ARHGEF15: variants seen among roughly 807,000 people sequenced by gnomAD.
The protein encoded by ARHGEF15 is Rho guanine nucleotide exchange factor 15, also known as Rho guanine nucleotide exchange factor (GEF) 15.
A neutral mutation model predicts 79.7 loss-of-function variants in ARHGEF15; 58 were observed. That is an observed-to-expected ratio of 0.73 (90% CI 0.59 to 0.91). The LOEUF is 0.91. Among genes scored for constraint, ARHGEF15 ranks in the 40% least tolerant of loss-of-function variants. The pLI, the probability that ARHGEF15 is intolerant of heterozygous loss-of-function variation, is 0.00. For synonymous variants in ARHGEF15, 442 were observed against 456.0 expected (o/e 0.97, Z 0.39); for missense variants, 1,012 against 1,108.1 (o/e 0.91, Z 1.23).
rs563543358 is a variant in ARHGEF15, at chr17:8,313,482, C to A, written c.935-19C>A. Reference sequence around the variant, plus strand: ...ATCCTGGAGTTTTTTTTTCTCTTCACTCTGGCTTCTCTCTCCAGGGGACAG... The same window carrying A: ...ATCCTGGAGTTTTTTTTTCTCTTCAATCTGGCTTCTCTCTCCAGGGGACAG... On this transcript the variant is annotated intron_variant, in intron 3 of 15. Coordinates refer to ENST00000361926, the MANE Select transcript of ARHGEF15 (RefSeq NM_173728.4). 6.2e-7 allele frequency: 1 copy of A among 1,607,684 alleles called. No homozygotes were observed. Among genetic ancestry groups the A allele is most frequent in the Non-Finnish European group, 8.5e-7 (1 of 1,178,262 alleles).
At chr17:8,320,096 T>G (rs531276691) in intron 15 of ARHGEF15, among the ~76,000 whole-genome samples, 39 of 152,236 alleles carry the variant, frequency 2.6e-4, no homozygotes, top group African/African-American at 8.7e-4. Context: ...CATTTATTCA[T>G]TCAATAAATA....
chr17:8,312,886 C>G (rs2151636040), intron 2 of ARHGEF15, 36 bp from the exon 3 acceptor site: 1 of 1,564,722 alleles, frequency 6.4e-7, no homozygotes, highest in East Asian at 2.2e-5. Flanking sequence ...AGCTGGGCCC[C>G]AAGGGCTTTC....
chr17:8,313,356 C>T, intron 3 of ARHGEF15, 102 bp downstream of exon 3: 1 of 1,496,932 alleles, frequency 6.7e-7, no homozygotes, highest in East Asian at 2.3e-5. Flanking sequence ...AGGCACTGGG[C>T]TCTTTGCTTC....
rs145328839 is a variant in ARHGEF15, at chr17:8,320,956, G to T, written c.2489G>T (p.Gly830Val). The change falls in exon 16 of 16, where the codon GGA becomes GTA. Residue 830 changes from glycine to valine, a missense_variant. By Grantham distance (109) the Gly-to-Val change is moderately radical (BLOSUM62 -3). This residue lies in a region of ARHGEF15 where 132 missense variants were observed against 124.2 expected (regional missense o/e 1.06). Transcript: ENST00000361926. ...RQNQRLLEAVGSSSGTPNAPP... is the reference protein window; with the variant it reads ...RQNQRLLEAVVSSSGTPNAPP... Reference sequence around the variant, plus strand: ...AACCAGAGGCTTCTCGAGGCTGTTGGATCTTCTTCAGGCACCCCCAATGCC... The same window carrying T: ...AACCAGAGGCTTCTCGAGGCTGTTGTATCTTCTTCAGGCACCCCCAATGCC... 1.9e-6 allele frequency: 3 copies of T among 1,613,902 alleles called. No homozygotes were observed. The African/African-American group carries it at 4.0e-5, about 22-fold the overall frequency.
At position 8,319,167 on chromosome 17, in the gene ARHGEF15, G is replaced by T. The variant is rs1243324901; in HGVS notation, c.2186+8G>T. ...ACTCCAAGCTTCTTCCCTGTGAGTT[G>T]TGTTTCCCTCAGAAAACAACCTTGG... is the stretch of plus-strand genomic sequence containing the variant. On this transcript the variant is annotated splice_region_variant and intron_variant, in intron 13 of 15. Coordinates refer to ENST00000361926, the MANE Select transcript of ARHGEF15 (RefSeq NM_173728.4). 1.1e-5 allele frequency: 17 copies of T among 1,613,076 alleles called. No individual in the cohort carries two copies. The highest frequency in any genetic ancestry group is 1.4e-5 in the Non-Finnish European group (16 of 1,179,552).
chr17:8,314,762 A>T (rs1904895632), intron 4 of ARHGEF15, 144 bp from the exon 5 acceptor site: 2 of 764,956 alleles, frequency 2.6e-6, no homozygotes, highest in Admixed American at 3.4e-5. Context: ...AAAAAAAAAA[A>T]AGCCTGAGGT....
intron 1 of ARHGEF15, chr17:8,310,774 G>T (rs1198361219): frequency 6.6e-6 from 1 of 152,636 alleles, no homozygotes; most frequent in Non-Finnish European, 1.5e-5. Flanking sequence ...GTGAGGGGGG[G>T]GTGTCCGGTT....
Position 8,313,054 on chromosome 17 carries a change from G to A in ARHGEF15, c.734G>A (p.Arg245Gln), listed in dbSNP as rs766415435. The A allele has an allele frequency of 2.1e-5, 34 of 1,613,438 alleles. No individual in the cohort carries two copies. Among genetic ancestry groups the A allele is most frequent in the Admixed American group, 6.7e-5 (4 of 60,004 alleles). ...PRVPRRASPLRTSRSRPHPPS... is the reference protein window; with the variant it reads ...PRVPRRASPLQTSRSRPHPPS... ...GTCCCCCGTCGGGCCTCCCCGCTGC[G>A]GACCTCTCGCTCCCGCCCCCACCCT... Residue 245 changes from arginine to glutamine, a missense_variant, in exon 3 of 16, where the codon CGG becomes CAG. Transcript: ENST00000361926.
In ARHGEF15 at chr17:8,319,291, ACTTC is replaced by A; in HGVS notation, c.2187-19_2187-16del. On this transcript the variant is annotated splice_polypyrimidine_tract_variant and intron_variant, in intron 13 of 15. Coordinates refer to ENST00000361926, the MANE Select transcript of ARHGEF15 (RefSeq NM_173728.4). The stretch of plus-strand genomic sequence containing the variant: ...GAGGATCTTTTGGGCCAACTGTGAC[ACTTC>A]CCAATATCCCCACCAGATCAGACAT... 6.2e-7 allele frequency: 1 copy of A among 1,612,272 alleles called. No individual in the cohort carries two copies. The highest frequency in any genetic ancestry group is 1.1e-5 in the South Asian group (1 of 90,762).
chr17:8,320,473 G>T (rs1360192098), intron 15 of ARHGEF15, among the ~76,000 whole-genome samples: 2 of 152,116 alleles, frequency 1.3e-5, no homozygotes, highest in African/African-American at 2.4e-5. Context: ...CCTGCGGCTG[G>T]TGTGTGACTG....
At chr17:8,317,648 G>A (rs1355624039) in intron 9 of ARHGEF15, among the ~76,000 whole-genome samples, 1 of 152,180 alleles carries the variant, frequency 6.6e-6, no homozygotes, top group Non-Finnish European at 1.5e-5. Flanking sequence ...CTAAGGCACA[G>A]GTCACATAAC....
In ARHGEF15 at chr17:8,318,638, A is replaced by C; in HGVS notation, c.1848A>C (p.Gln616His). Residue 616 changes from glutamine to histidine, a missense_variant, in exon 11 of 16, where the codon CAA (glutamine) becomes CAC (histidine). By Grantham distance (24) the Gln-to-His change is conservative. This residue lies in a region of ARHGEF15 where 818 missense variants were observed against 882.5 expected (regional missense o/e 0.93). Coordinates refer to ENST00000361926, the MANE Select transcript of ARHGEF15 (RefSeq NM_173728.4). This position sits in a 1 kb window ranked among gnomAD's most constrained non-coding sequence, Gnocchi z 5.0. ...KQTEELIRLT[Q>H]RLRFHKVKAL... ...CTGAAGAGCTGATCCGGCTCACCCAAAGGCTGCGCTTCCACAAAGTCAAGG... is the reference window on the plus strand; with the variant it reads ...CTGAAGAGCTGATCCGGCTCACCCACAGGCTGCGCTTCCACAAAGTCAAGG... The C allele has an allele frequency of 1.2e-6, 2 of 1,613,528 alleles. No individual in the cohort carries two copies. Among genetic ancestry groups the C allele is most frequent in the Non-Finnish European group, 8.5e-7 (1 of 1,179,600 alleles).
chr17:8,320,756 A>C (rs1302911399), intron 15 of ARHGEF15, 86 bp from the exon 16 acceptor site: 1 of 1,216,442 alleles, frequency 8.2e-7, no homozygotes, highest in Non-Finnish European at 1.2e-6. Flanking sequence ...ATGACCCTGA[A>C]GGCCTGAGAC....
intron 15 of ARHGEF15, among the ~76,000 whole-genome samples, chr17:8,320,624 G>A (rs1905320217): frequency 6.6e-6 from 1 of 152,180 alleles, no homozygotes; most frequent in South Asian, 2.1e-4. Context: ...CAAGAGACAT[G>A]AGCAGCCACT....
rs575803253 is a variant in ARHGEF15 at position 8,315,325 on chromosome 17, G to C, written c.1260+48G>C. On this transcript the variant is annotated intron_variant, in intron 6 of 15. Coordinates refer to ENST00000361926, the MANE Select transcript of ARHGEF15 (RefSeq NM_173728.4). The surrounding 1 kb of genome is among the most constrained non-coding windows in gnomAD (Gnocchi z 4.3). ...GGGAGGGGGGTGCTGGGGTTGGGCT[G>C]CATGGGTCAGGCATAGGGGAGGAGG... 4.3e-6 allele frequency: 7 copies of C among 1,610,920 alleles called. No homozygotes were observed. The East Asian group carries it at 1.6e-4, about 36-fold the overall frequency.
intron 1 of ARHGEF15, among the ~76,000 whole-genome samples, chr17:8,311,634 C>T (rs944310396): frequency 6.6e-6 from 1 of 151,876 alleles, no homozygotes; most frequent in African/African-American, 2.4e-5. Flanking sequence ...GCACACCCAC[C>T]CTGGCACCGC....
In ARHGEF15 at chr17:8,319,140, C is replaced by A; in HGVS notation, c.2167C>A (p.Leu723Ile). 1 of 1,613,814 alleles carries A rather than the reference C, an allele frequency of 6.2e-7. No homozygotes were observed. The change falls in exon 13 of 16, where the codon CTA becomes ATA. Residue 723 changes from leucine (L) to isoleucine (I), a missense_variant. By Grantham distance (5) the Leu-to-Ile change is conservative (BLOSUM62 2). Coordinates refer to ENST00000361926, the MANE Select transcript of ARHGEF15 (RefSeq NM_173728.4). ...SNHQGRPTHR[L>I]LQASSLSDMQ... ...CCACCAGGGCCGCCCCACCCACCGA[C>A]TACTCCAAGCTTCTTCCCTGTGAGT...
In ARHGEF15 at chr17:8,320,957, ATCT is replaced by A; in HGVS notation, c.2496_2498del (p.Ser833del). 6.2e-7 allele frequency: 1 copy of A among 1,613,968 alleles called. No homozygotes were observed. The highest frequency in any genetic ancestry group is 1.6e-4 in the Middle Eastern group (1 of 6,062). On this transcript the variant is annotated inframe_deletion, in exon 16 of 16. Transcript: ENST00000361926. ...ACCAGAGGCTTCTCGAGGCTGTTGG[ATCT>A]TCTTCAGGCACCCCCAATGCCCCCC...
chr17:8,315,228 C>T lies in ARHGEF15; in HGVS notation c.1211C>T (p.Ala404Val), dbSNP rs200509665. The T allele has an allele frequency of 2.4e-5, 39 of 1,613,600 alleles. No homozygotes were observed. In the East Asian group the frequency reaches 8.7e-4, roughly 36 times the overall value. ...TGGCAGGAGCTTCCGGCTGTGCAAGCCAGCGGTCTTCTGGATACCCTCAGC... is the reference window on the plus strand; with the variant it reads ...TGGCAGGAGCTTCCGGCTGTGCAAGTCAGCGGTCTTCTGGATACCCTCAGC... The part of the protein sequence containing the change: ...TLWQELPAVQ[A>V]SGLLDTLSPQ... Residue 404 changes from alanine (A) to valine (V), a missense_variant, in exon 6 of 16, where the codon GCC (alanine) becomes GTC (valine). Physicochemically the swap from Ala to Val is moderately conservative, Grantham distance 64. This residue lies in a region of ARHGEF15 where 818 missense variants were observed against 882.5 expected (regional missense o/e 0.93). Transcript: ENST00000361926. This position sits in a 1 kb window ranked among gnomAD's most constrained non-coding sequence, Gnocchi z 4.3.
Sources: allele counts gnomAD v4.1 joint callset (sites outside exome capture counted in the v4.1 genomes callset), GRCh38; gene constraint gnomAD v4.1.1; regional missense constraint gnomAD v4.1.1; non-coding constraint Gnocchi (gnomAD v3.1); transcripts MANE v1.5; gene names NCBI Gene and HGNC (gene_info 2026-07-23, HGNC 2026-07-21).